PARD6G: variants seen among roughly 807,000 people sequenced by gnomAD.
PARD6G encodes partitioning defective 6 homolog gamma.
In PARD6G, 7 loss-of-function variants were observed where a neutral mutation model predicts 10.7. The observed-to-expected ratio is 0.66, with a 90% confidence interval of 0.37 to 1.23. The LOEUF is 1.23. PARD6G is among the 50% of genes most tolerant of loss of function. The pLI, the probability that PARD6G is intolerant of heterozygous loss-of-function variation, is 0.02. For synonymous variants in PARD6G, 287 were observed against 269.4 expected (o/e 1.07, Z -0.64); for missense variants, 548 against 571.8 (o/e 0.96, Z 0.42).
At position 80,181,320 on chromosome 18, in the gene PARD6G, G is replaced by C. The variant is rs1304268136; in HGVS notation, c.296-20714C>G. 6.6e-6 allele frequency among the ~76,000 whole-genome samples: 1 copy of C among 152,178 alleles called. No homozygotes were observed. On this transcript the variant is annotated intron_variant, in intron 2 of 2. Coordinates refer to ENST00000353265, the MANE Select transcript of PARD6G (RefSeq NM_032510.4). This position sits in a 1 kb window ranked among gnomAD's most constrained non-coding sequence, Gnocchi z 7.9. The stretch of plus-strand genomic sequence containing the variant: ...CCAAGTCAGCCGATGTCCCCAGCTG[G>C]GATGTCTGCGGAAGCTGTGGTCCCG...
chr18:80,160,438 G>C lies in PARD6G; in HGVS notation c.464C>G (p.Thr155Arg), dbSNP rs780980882. Residue 155 changes from threonine to arginine, a missense_variant, in exon 3 of 3, where the codon ACG (threonine) becomes AGG (arginine). Coordinates refer to ENST00000353265, the MANE Select transcript of PARD6G (RefSeq NM_032510.4). ...SIIDVDLVPE[T>R]HRRVRLHRHG... ...CCGGTGCAGCCGCACTCGCCGGTGC[G>C]TCTCGGGGACCAGGTCCACATCGAT... 2 of 1,584,834 alleles carry C rather than the reference G, an allele frequency of 1.3e-6. No individual in the cohort carries two copies. Among genetic ancestry groups the C allele is most frequent in the Non-Finnish European group, 1.7e-6 (2 of 1,165,472 alleles).
intron 1 of PARD6G, among the ~76,000 whole-genome samples, chr18:80,233,088 A>G (rs1967378654): frequency 6.6e-6 from 1 of 152,166 alleles, no homozygotes; most frequent in South Asian, 2.1e-4. Flanking sequence ...TCATCTCCTG[A>G]GGAGTGGAGT....
At chr18:80,237,336 A>T (rs1161980580) in intron 1 of PARD6G, among the ~76,000 whole-genome samples, 1 of 152,218 alleles carries the variant, frequency 6.6e-6, no homozygotes, top group East Asian at 1.9e-4. Context: ...CTTACACCTT[A>T]TACAAAAATT....
chr18:80,197,154 C>T (rs1027192575), intron 2 of PARD6G, among the ~76,000 whole-genome samples: 1 of 152,180 alleles, frequency 6.6e-6, no homozygotes, highest in African/African-American at 2.4e-5. Flanking sequence ...GCGTGGAATG[C>T]AGAAATTGAA....
chr18:80,222,087 T>C (rs1163613581), intron 1 of PARD6G, among the ~76,000 whole-genome samples: 1 of 151,930 alleles, frequency 6.6e-6, no homozygotes, highest in African/African-American at 2.4e-5. Context: ...AATTTTTTTC[T>C]TTTTTCTTTT....
At chr18:80,226,248 G>A (rs1238306897) in intron 1 of PARD6G, among the ~76,000 whole-genome samples, 3 of 130,936 alleles carry the variant, frequency 2.3e-5, no homozygotes, top group African/African-American at 8.7e-5. Context: ...TTGGCTCACC[G>A]CAACCTCCGC....
At chr18:80,196,431 A>C (rs1966956759) in intron 2 of PARD6G, among the ~76,000 whole-genome samples, 1 of 152,238 alleles carries the variant, frequency 6.6e-6, no homozygotes, top group South Asian at 2.1e-4. Context: ...TTTTATGAAG[A>C]ATTTAATGAT....
chr18:80,166,100 C>T lies in PARD6G; in HGVS notation c.296-5494G>A, dbSNP rs536118036. 3.5e-4 allele frequency among the ~76,000 whole-genome samples: 54 copies of T among 152,142 alleles called. 1 individual carries two copies. In the South Asian group the frequency reaches 9.6e-3, roughly 27 times the overall value. ...TCTCAAAAAAAAAAATTATCATTTC[C>T]GCTTATTTCCTAACATAGCTACCAC... On this transcript the variant is annotated intron_variant, in intron 2 of 2. Transcript: ENST00000353265.
At chr18:80,211,525 T>C (rs945323259) in intron 1 of PARD6G, among the ~76,000 whole-genome samples, 1 of 152,170 alleles carries the variant, frequency 6.6e-6, no homozygotes, top group African/African-American at 2.4e-5. Context: ...ACATTACAAA[T>C]AGAATTACCA....
At position 80,159,756 on chromosome 18, in the gene PARD6G, G is replaced by A; in HGVS notation, c.*15C>T. ...CCGGGGAACTGGAGCTAGGATTTGG[G>A]GGCCTCTCGGGAGTCTAGAGCGTGA... On this transcript the variant is annotated 3_prime_UTR_variant, in exon 3 of 3. Transcript: ENST00000353265. The A allele has an allele frequency of 1.4e-6, 2 of 1,385,580 alleles. No homozygotes were observed. Among genetic ancestry groups the A allele is most frequent in the South Asian group, 3.5e-5 (2 of 57,858 alleles). 85.8% of individuals were successfully genotyped at this position (1,385,580 alleles called of 1,614,324 possible). A position where few individuals can be genotyped will look rare whatever the true frequency, so the allele number is the denominator to read the frequency against.
chr18:80,206,999 T>G (rs962109776), intron 1 of PARD6G, among the ~76,000 whole-genome samples: 4 of 151,048 alleles, frequency 2.6e-5, no homozygotes, highest in Non-Finnish European at 5.9e-5. Context: ...GGATGGCTAG[T>G]GATTATCAAT....
Position 80,159,498 on chromosome 18 carries a change from AC to A in PARD6G, c.*272del. 2.6e-6 allele frequency: 1 copy of A among 378,256 alleles called. No individual in the cohort carries two copies. The highest frequency in any genetic ancestry group is 4.5e-6 in the Non-Finnish European group (1 of 220,296). 23.4% of individuals were successfully genotyped at this position (378,256 alleles called of 1,614,324 possible). On this transcript the variant is annotated 3_prime_UTR_variant, in exon 3 of 3. Coordinates refer to ENST00000353265, the MANE Select transcript of PARD6G (RefSeq NM_032510.4). ...AAAATTTTAAAAAGCATTTTTTTGC[AC>A]TTGGTCAGATCTTTTCTATCACTTT... is the stretch of plus-strand genomic sequence containing the variant.
At position 80,202,931 on chromosome 18, in the gene PARD6G, A is replaced by C; in HGVS notation, c.74T>G (p.Phe25Cys). 2 of 1,038,910 alleles carry C rather than the reference A, an allele frequency of 1.9e-6. No individual in the cohort carries two copies. Among genetic ancestry groups the C allele is most frequent in the Non-Finnish European group, 2.7e-6 (2 of 739,472 alleles). The allele number at this position is 1,038,910 out of a possible 1,614,324, so 64.4% of individuals were successfully genotyped here. The change falls in exon 2 of 3, where the codon TTT becomes TGT. Residue 25 changes from phenylalanine (F) to cysteine (C), a missense_variant and splice_region_variant. By Grantham distance (205) the Phe-to-Cys change is radical. Coordinates refer to ENST00000353265, the MANE Select transcript of PARD6G (RefSeq NM_032510.4). ...DCSAVEVKSK[F>C]GAEFRRFSLD... ...AGAGAACCTTCGGAATTCCGCCCCA[A>C]ACTACAATGCAAGAGACGGGGTGGG...
chr18:80,179,773 T>C (rs955019905), intron 2 of PARD6G, among the ~76,000 whole-genome samples: 3 of 152,218 alleles, frequency 2.0e-5, no homozygotes, highest in Non-Finnish European at 4.4e-5. Flanking sequence ...GCGGTCACCA[T>C]CACCACACGG....
At chr18:80,186,852 C>T (rs1004297397) in intron 2 of PARD6G, among the ~76,000 whole-genome samples, 2 of 152,188 alleles carry the variant, frequency 1.3e-5, no homozygotes, top group East Asian at 1.9e-4. Flanking sequence ...GGGTGGCTCA[C>T]GCCTGTAATC....
At chr18:80,226,415 C>A (rs1967293836) in intron 1 of PARD6G, among the ~76,000 whole-genome samples, 1 of 152,096 alleles carries the variant, frequency 6.6e-6, no homozygotes, top group Non-Finnish European at 1.5e-5. Context: ...AGGTGATCCG[C>A]CTGCCTTGGC....
Position 80,202,320 on chromosome 18 carries a change from A to C in PARD6G, c.295+390T>G, listed in dbSNP as rs370690604. On this transcript the variant is annotated intron_variant, in intron 2 of 2. Coordinates refer to ENST00000353265, the MANE Select transcript of PARD6G (RefSeq NM_032510.4). ...AGCGAAACTGGGCCTCAGAGCTAAA[A>C]GTTAACCAAAGTTATCATCGAAAGC... Among the ~76,000 whole-genome samples, 19 of 152,324 alleles carry C rather than the reference A, an allele frequency of 1.2e-4. No individual in the cohort carries two copies. The South Asian group carries it at 3.9e-3, about 32-fold the overall frequency.
In PARD6G at chr18:80,161,263, T is replaced by C. The variant is rs887633338; in HGVS notation, c.296-657A>G. 6.6e-5 allele frequency among the ~76,000 whole-genome samples: 10 copies of C among 152,010 alleles called. No individual in the cohort carries two copies. The highest frequency in any genetic ancestry group is 1.3e-4 in the Non-Finnish European group (9 of 67,994). ...TGAGGTCCCGCACAGTCAGTGCTAT[T>C]TGTAGGCACATGGAGCCTCAAGGCT... On this transcript the variant is annotated intron_variant, in intron 2 of 2. Transcript: ENST00000353265. This position sits in a 1 kb window ranked among gnomAD's most constrained non-coding sequence, Gnocchi z 4.6.
chr18:80,163,578 T>C (rs144621131), intron 2 of PARD6G, among the ~76,000 whole-genome samples: 123 of 152,274 alleles, frequency 8.1e-4, no homozygotes, highest in African/African-American at 2.9e-3. Flanking sequence ...ACCACAAACC[T>C]GTCTGCGTCA....
Sources: gnomAD v4.1 joint callset for allele counts (sites outside exome capture counted in the v4.1 genomes callset) on GRCh38, gnomAD v4.1.1 for gene constraint, Gnocchi (gnomAD v3.1) non-coding constraint, MANE v1.5 for transcripts, NCBI Gene and HGNC (gene_info 2026-07-23, HGNC 2026-07-21) for gene names.